The following GPC5 variants were observed in gnomAD, a reference collection of about 807,000 sequenced individuals.
The protein encoded by GPC5 is glypican 5, also known as glypican-5.
In GPC5, 47 loss-of-function variants were observed where a neutral mutation model predicts 53.9. That is an observed-to-expected ratio of 0.87 (90% CI 0.69 to 1.11). The LOEUF (loss-of-function observed/expected upper bound fraction) is 1.11, where lower values mean the gene tolerates loss of function less well. GPC5 is among the 50% of genes most tolerant of loss of function. GPC5 has a pLI of 0.00. For missense variants in GPC5, 748 were observed against 713.1 expected, an observed-to-expected ratio of 1.05 and a Z score of -0.56; for synonymous variants, 286 against 263.3, an observed-to-expected ratio of 1.09 and a Z score of -0.84.
intron 7 of GPC5, among the ~76,000 whole-genome samples, chr13:92,589,390 A>G (rs1294916095): frequency 6.6e-6 from 1 of 152,182 alleles, no homozygotes; most frequent in Non-Finnish European, 1.5e-5. Context: ...TTCATCCCTG[A>G]GGCTAGAGAC....
At chr13:92,013,189 T>TTG (rs2040677242) in intron 6 of GPC5, among the ~76,000 whole-genome samples, 1 of 152,220 alleles carries the variant, frequency 6.6e-6, no homozygotes, top group South Asian at 2.1e-4. Context: ...CCCAAACTCT[T>TTG]GTCCAGCATC....
chr13:91,470,462 G>A (rs1311037930), intron 2 of GPC5, among the ~76,000 whole-genome samples: 2 of 152,154 alleles, frequency 1.3e-5, no homozygotes, highest in African/African-American at 4.8e-5. Flanking sequence ...AAGCGAGATG[G>A]AAAGTGTAGA....
At chr13:92,647,997 G>A (rs923522421) in intron 7 of GPC5, among the ~76,000 whole-genome samples, 4 of 152,012 alleles carry the variant, frequency 2.6e-5, no homozygotes, top group East Asian at 1.9e-4. Flanking sequence ...TCTTATTAGA[G>A]TACATATTGA....
intron 6 of GPC5, among the ~76,000 whole-genome samples, chr13:92,035,433 C>A (rs889609181): frequency 6.6e-6 from 1 of 152,042 alleles, no homozygotes; most frequent in African/African-American, 2.4e-5. Context: ...GTGCTCTGAT[C>A]GTTTGTTAAC....
intron 5 of GPC5, among the ~76,000 whole-genome samples, chr13:91,836,036 G>T (rs72647285): frequency 1.3e-5 from 2 of 152,032 alleles, no homozygotes; most frequent in Non-Finnish European, 2.9e-5. Context: ...TTTATTTAAA[G>T]ATAAAAATAA....
chr13:91,518,552 A>T (rs779775823), intron 2 of GPC5, among the ~76,000 whole-genome samples: 1 of 151,928 alleles, frequency 6.6e-6, no homozygotes, highest in African/African-American at 2.4e-5. Flanking sequence ...AGAATTTCAG[A>T]TTTCTTTTTT....
chr13:92,750,384 G>A (rs1200291569), intron 7 of GPC5, among the ~76,000 whole-genome samples: 3 of 151,614 alleles, frequency 2.0e-5, no homozygotes, highest in African/African-American at 4.9e-5. Context: ...TCTGTTTTCC[G>A]TTTTGGGGTT....
chr13:92,620,420 T>C (rs1367877503), intron 7 of GPC5, among the ~76,000 whole-genome samples: 2 of 152,186 alleles, frequency 1.3e-5, no homozygotes, highest in Admixed American at 6.5e-5. Flanking sequence ...ATCAGAGTTC[T>C]CCAGGAAGGA....
At chr13:92,256,957 C>T (rs1035075258) in intron 7 of GPC5, among the ~76,000 whole-genome samples, 8 of 152,016 alleles carry the variant, frequency 5.3e-5, no homozygotes, top group Admixed American at 4.6e-4. Flanking sequence ...TAGTAGCTCC[C>T]GATTTCTCTC....
At chr13:92,816,889 C>T (rs1462120200) in intron 7 of GPC5, among the ~76,000 whole-genome samples, 1 of 151,840 alleles carries the variant, frequency 6.6e-6, no homozygotes, top group Non-Finnish European at 1.5e-5. Flanking sequence ...GATAATTGAC[C>T]CTGTCTCTAT....
intron 7 of GPC5, among the ~76,000 whole-genome samples, chr13:92,717,484 A>AAACT (rs1370175398): frequency 1.3e-5 from 2 of 152,218 alleles, no homozygotes; most frequent in Admixed American, 1.3e-4. Flanking sequence ...TATCAAAAAC[A>AAACT]AACTCTCAGA....
chr13:92,747,837 G>C (rs1467412754), intron 7 of GPC5, among the ~76,000 whole-genome samples: 1 of 152,126 alleles, frequency 6.6e-6, no homozygotes, highest in Admixed American at 6.5e-5. Flanking sequence ...TACTTAAGAG[G>C]TTATAAGCAT....
intron 2 of GPC5, among the ~76,000 whole-genome samples, chr13:91,511,162 A>G (rs1885212097): frequency 6.6e-6 from 1 of 152,088 alleles, no homozygotes; most frequent in African/African-American, 2.4e-5. Flanking sequence ...TTCCAATATG[A>G]TGTTTCTTTT....
intron 7 of GPC5, among the ~76,000 whole-genome samples, chr13:92,233,075 A>G (rs1490470988): frequency 6.6e-6 from 1 of 152,130 alleles, no homozygotes; most frequent in Non-Finnish European, 1.5e-5. Flanking sequence ...CTTTATTGCC[A>G]CTCTGGCTAC....
intron 6 of GPC5, among the ~76,000 whole-genome samples, chr13:91,985,010 A>G (rs891403884): frequency 4.6e-5 from 7 of 152,186 alleles, no homozygotes; most frequent in African/African-American, 1.7e-4. Flanking sequence ...ACATTCTGTC[A>G]TTAGTGATAT....
chr13:91,963,412 T>C (rs2139078365), intron 6 of GPC5, among the ~76,000 whole-genome samples: 1 of 152,314 alleles, frequency 6.6e-6, no homozygotes, highest in Non-Finnish European at 1.5e-5. Flanking sequence ...AGAAGTTCCC[T>C]ATGTGTACAT....
chr13:91,591,094 T>A (rs116141813), intron 2 of GPC5, among the ~76,000 whole-genome samples: 121 of 152,342 alleles, frequency 7.9e-4, no homozygotes, highest in African/African-American at 2.7e-3. Flanking sequence ...GTAAAGCTCC[T>A]AAGACAGTGA....
intron 7 of GPC5, among the ~76,000 whole-genome samples, chr13:92,646,190 T>C (rs532923622): frequency 6.6e-6 from 1 of 152,280 alleles, no homozygotes; most frequent in South Asian, 2.1e-4. Context: ...CTATTTCAAC[T>C]GAATATTTTT....
intron 5 of GPC5, among the ~76,000 whole-genome samples, chr13:91,802,564 A>T (rs1327867076): frequency 6.6e-6 from 1 of 152,028 alleles, no homozygotes; most frequent in East Asian, 1.9e-4. Context: ...ATTTGGCCCC[A>T]CCCATGTCCT....
Sources: gnomAD v4.1 joint callset for allele counts (sites outside exome capture counted in the v4.1 genomes callset) on GRCh38, gnomAD v4.1.1 for gene constraint, MANE v1.5 for transcripts, NCBI Gene and HGNC (gene_info 2026-07-23, HGNC 2026-07-21) for gene names.